Variants in GLT8D2 observed in about 807,000 individuals in gnomAD.
GLT8D2 encodes the protein glycosyltransferase 8 domain-containing protein 2.
GLT8D2 carries 45 observed loss-of-function variants against 44.5 expected under a neutral mutation model. That is an observed-to-expected ratio of 1.01 (90% CI 0.80 to 1.30). The LOEUF is 1.30. Ranked by LOEUF, GLT8D2 falls within the 50% of genes most tolerant of loss-of-function variation. The pLI is 0.00. For missense variants in GLT8D2, 400 were observed against 430.4 expected (o/e 0.93, Z 0.62); for synonymous variants, 156 against 157.2 (o/e 0.99, Z 0.06).
intron 1 of GLT8D2, among the ~76,000 whole-genome samples, chr12:104,021,775 C>A (rs1266487660): frequency 1.4e-5 from 2 of 145,886 alleles, no homozygotes; most frequent in African/African-American, 5.1e-5. Context: ...AGAGCAAAAC[C>A]CTGTTTTAAA....
At chr12:103,992,397 A>G (rs1216881061) in intron 10 of GLT8D2, among the ~76,000 whole-genome samples, 1 of 152,102 alleles carries the variant, frequency 6.6e-6, no homozygotes, top group Non-Finnish European at 1.5e-5. Flanking sequence ...GGTTTTGTCC[A>G]CTGTAAGTTA....
At chr12:103,996,889 GT>G (rs768899800) in intron 7 of GLT8D2, 42 bp from the exon 8 acceptor site, 6 of 1,435,802 alleles carry the variant, frequency 4.2e-6, no homozygotes, top group Admixed American at 1.7e-5. Context: ...TATAGCATTT[GT>G]TTTTGGGCTA....
At chr12:104,053,756 C>T (rs200028550), upstream of GLT8D2, among the ~76,000 whole-genome samples, 52 of 152,018 alleles carry the variant, frequency 3.4e-4, no homozygotes, top group East Asian at 7.9e-3. Context: ...CAGTGGCAGG[C>T]GCCTGTAGTC....
At chr12:104,005,502 C>A (rs190511433) in intron 4 of GLT8D2, among the ~76,000 whole-genome samples, 5 of 152,236 alleles carry the variant, frequency 3.3e-5, no homozygotes, top group African/African-American at 4.8e-5. Flanking sequence ...GGGCTAATAG[C>A]CAGAATCGAC....
chr12:104,045,513 C>T (rs2700490), intron 1 of GLT8D2, among the ~76,000 whole-genome samples: 9 of 152,142 alleles, frequency 5.9e-5, no homozygotes, highest in Non-Finnish European at 1.3e-4. Context: ...GGTTGAGGTT[C>T]TAGGGCCTGT....
At chr12:104,024,892 G>A (rs1209442548) in intron 1 of GLT8D2, among the ~76,000 whole-genome samples, 1 of 151,936 alleles carries the variant, frequency 6.6e-6, no homozygotes, top group African/African-American at 2.4e-5. Flanking sequence ...CCAACATGGT[G>A]AAACCCTTTC....
At chr12:104,052,310 A>C (rs1380292109), upstream of GLT8D2, among the ~76,000 whole-genome samples, 2 of 152,220 alleles carry the variant, frequency 1.3e-5, no homozygotes, top group African/African-American at 4.8e-5. Context: ...AACTTTGAAT[A>C]TAGCCAAAGC....
chr12:104,055,218 C>T (rs530129984), intron 1 of GLT8D2, among the ~76,000 whole-genome samples: 1 of 152,324 alleles, frequency 6.6e-6, no homozygotes, highest in African/African-American at 2.4e-5. Flanking sequence ...GCCTCACAGT[C>T]TCCTGTTGGT....
At chr12:104,051,212 C>T (rs1881694413), upstream of GLT8D2, among the ~76,000 whole-genome samples, 1 of 151,816 alleles carries the variant, frequency 6.6e-6, no homozygotes, top group Admixed American at 6.6e-5. Flanking sequence ...CCGTGAACTT[C>T]AAGGTTCAGG....
chr12:104,058,686 A>T (rs1882384894), intron 1 of GLT8D2, among the ~76,000 whole-genome samples: 1 of 152,218 alleles, frequency 6.6e-6, no homozygotes, highest in Non-Finnish European at 1.5e-5. Flanking sequence ...CTTAACCCCA[A>T]ATGAAACAGT....
chr12:104,012,774 A>G, intron 4 of GLT8D2: 1 of 695,216 alleles, frequency 1.4e-6, no homozygotes, highest in Non-Finnish European at 2.6e-6. Flanking sequence ...AAAAAGGCAA[A>G]TAAGTTAAAA....
chr12:104,030,706 C>G, intron 1 of GLT8D2: 6 of 1,606,354 alleles, frequency 3.7e-6, no homozygotes, highest in Non-Finnish European at 2.6e-6. Flanking sequence ...AAACAAATAA[C>G]TTGATTTAAA....
At chr12:103,990,226 T>A (rs2136254710) in intron 10 of GLT8D2, among the ~76,000 whole-genome samples, 1 of 151,256 alleles carries the variant, frequency 6.6e-6, no homozygotes, top group East Asian at 1.9e-4. Flanking sequence ...CCCCAAGAAG[T>A]TCTATTAATT....
chr12:104,036,222 A>C (rs1288150104), intron 1 of GLT8D2, among the ~76,000 whole-genome samples: 1 of 152,238 alleles, frequency 6.6e-6, no homozygotes, highest in Non-Finnish European at 1.5e-5. Flanking sequence ...AATTGTAAAG[A>C]CCATCGATGC....
At chr12:103,997,718 G>A (rs1467481249) in intron 6 of GLT8D2, among the ~76,000 whole-genome samples, 183 bp from the exon 7 acceptor site, 2 of 152,028 alleles carry the variant, frequency 1.3e-5, no homozygotes, top group South Asian at 4.2e-4. Context: ...CTGAGGCCTG[G>A]GGCTGAAGCC....
chr12:103,992,788 G>A (rs114118307), intron 10 of GLT8D2, among the ~76,000 whole-genome samples: 63 of 152,084 alleles, frequency 4.1e-4, no homozygotes, highest in African/African-American at 1.4e-3. Context: ...CACCACGCCC[G>A]GCCGAAAGTT....
In GLT8D2 at chr12:103,989,512, C is replaced by T; in HGVS notation, c.946G>A (p.Gly316Arg). ...GGGAAGTCCCAAGGTTTATGTCTTC[C>T]ATTCCAGTGGAGTAATTTAGCTTCC... is the stretch of plus-strand genomic sequence containing the variant. ...LQEAKLLHWN[G>R]RHKPWDFPSV... The change falls in exon 11 of 11, where the codon GGA becomes AGA. Residue 316 changes from glycine to arginine, a missense_variant. Coordinates refer to ENST00000360814, the MANE Select transcript of GLT8D2 (RefSeq NM_001384711.1). 1.2e-6 allele frequency: 2 copies of T among 1,613,632 alleles called. No individual in the cohort carries two copies. Among genetic ancestry groups the T allele is most frequent in the Non-Finnish European group, 1.7e-6 (2 of 1,179,716 alleles).
rs866672926 is a variant in GLT8D2 at position 104,004,849 on chromosome 12, A to G, written c.113-1543T>C. Reference sequence around the variant, plus strand: ...TCAATGCCATCCCCATCAAGCTACCAATGACTTTCTTCACAGAATTGGAAA... The same window carrying G: ...TCAATGCCATCCCCATCAAGCTACCGATGACTTTCTTCACAGAATTGGAAA... On this transcript the variant is annotated intron_variant, in intron 4 of 10. Coordinates refer to ENST00000360814, the MANE Select transcript of GLT8D2 (RefSeq NM_001384711.1). Among the ~76,000 whole-genome samples the G allele has an allele frequency of 5.9e-5, 9 of 152,288 alleles. 2 individuals carry two copies. The highest frequency in any genetic ancestry group is 1.3e-4 in the Admixed American group (2 of 15,300).
At position 104,021,406 on chromosome 12, in the gene GLT8D2, G is replaced by A. The variant is rs1877607773; in HGVS notation, c.-78C>T. The A allele has an allele frequency of 6.6e-6, 1 of 152,322 alleles. No individual in the cohort carries two copies. The highest frequency in any genetic ancestry group is 1.5e-5 in the Non-Finnish European group (1 of 68,146). The allele number at this position is 152,322 out of a possible 1,614,324, so 9.4% of individuals were successfully genotyped here. Reference sequence around the variant, plus strand: ...CAGGCCCAGGGACTATTCAAGAACAGATGTCCAATACTCAGCTCACAATCT... The same window carrying A: ...CAGGCCCAGGGACTATTCAAGAACAAATGTCCAATACTCAGCTCACAATCT... On this transcript the variant is annotated 5_prime_UTR_variant, in exon 2 of 11. Coordinates refer to ENST00000360814, the MANE Select transcript of GLT8D2 (RefSeq NM_001384711.1).
Sources: gnomAD v4.1 joint callset for allele counts (sites outside exome capture counted in the v4.1 genomes callset) on GRCh38, gnomAD v4.1.1 for gene constraint, MANE v1.5 for transcripts, NCBI Gene and HGNC (gene_info 2026-07-23, HGNC 2026-07-21) for gene names.